Variants in DAPP1 observed in about 807,000 individuals in gnomAD.
DAPP1 encodes the protein dual adapter for phosphotyrosine and 3-phosphotyrosine and 3-phosphoinositide.
A neutral mutation model predicts 41.5 loss-of-function variants in DAPP1; 20 were observed. That is an observed-to-expected ratio of 0.48 (90% CI 0.34 to 0.70). DAPP1 has a LOEUF of 0.70. Among genes scored for constraint, DAPP1 ranks in the 30% least tolerant of loss-of-function variants. The pLI, the probability that DAPP1 is intolerant of heterozygous loss-of-function variation, is 0.01. For missense variants in DAPP1, 233 were observed against 333.4 expected (o/e 0.70, Z 2.35); for synonymous variants, 113 against 116.2 (o/e 0.97, Z 0.18).
chr4:99,861,926 T>A (rs1019295963), intron 5 of DAPP1, among the ~76,000 whole-genome samples: 1 of 152,186 alleles, frequency 6.6e-6, no homozygotes, highest in African/African-American at 2.4e-5. Flanking sequence ...CTCTAGAACA[T>A]CTTTCGTTCT....
intron 1 of DAPP1, among the ~76,000 whole-genome samples, chr4:99,828,029 T>C (rs1174134546): frequency 1.3e-5 from 2 of 152,232 alleles, no homozygotes; most frequent in African/African-American, 4.8e-5. Context: ...TTTCTAACCA[T>C]GAATCATGAA....
intron 3 of DAPP1, 124 bp downstream of exon 3, chr4:99,840,546 A>G (rs1261013036): frequency 8.6e-7 from 1 of 1,165,776 alleles, no homozygotes; most frequent in Non-Finnish European, 1.2e-6. Flanking sequence ...TGAAGAGAAA[A>G]CAATGTATTT....
At chr4:99,839,827 C>T (rs894882624) in intron 2 of DAPP1, among the ~76,000 whole-genome samples, 2 of 152,104 alleles carry the variant, frequency 1.3e-5, no homozygotes, top group Non-Finnish European at 2.9e-5. Context: ...TTTGGGAAGC[C>T]GAGGCAGGAG....
chr4:99,834,720 C>G (rs1446580402), intron 1 of DAPP1, among the ~76,000 whole-genome samples: 1 of 152,192 alleles, frequency 6.6e-6, no homozygotes, highest in Non-Finnish European at 1.5e-5. Context: ...CAAAGCAACA[C>G]TGTATTAGTT....
chr4:99,833,955 G>A (rs1723208424), intron 1 of DAPP1, among the ~76,000 whole-genome samples: 1 of 152,140 alleles, frequency 6.6e-6, no homozygotes, highest in South Asian at 2.1e-4. Context: ...TATGCCGTAT[G>A]CCTATTAGTC....
At chr4:99,865,112 C>T (rs1413138540) in intron 7 of DAPP1, 1 of 152,282 alleles carries the variant, frequency 6.6e-6, no homozygotes, top group African/African-American at 2.4e-5. Flanking sequence ...CACTAGACCT[C>T]ACATCCAGGT....
chr4:99,861,176 C>G (rs138473595), intron 4 of DAPP1, among the ~76,000 whole-genome samples: 1 of 152,138 alleles, frequency 6.6e-6, no homozygotes, highest in East Asian at 1.9e-4. Context: ...TCTGGGAAGC[C>G]CTGAAGTAAA....
chr4:99,854,792 C>T (rs1276402218), intron 4 of DAPP1, among the ~76,000 whole-genome samples: 2 of 152,208 alleles, frequency 1.3e-5, no homozygotes, highest in African/African-American at 2.4e-5. Flanking sequence ...TTTTACAATG[C>T]TCCTCTTCTG....
At chr4:99,866,507 T>C in intron 8 of DAPP1, 4 of 762,598 alleles carry the variant, frequency 5.2e-6, no homozygotes, top group Non-Finnish European at 9.6e-6. Flanking sequence ...AGAAGAAAGT[T>C]TGCCAGAGGC....
chr4:99,863,024 A>C lies in DAPP1; in HGVS notation c.552A>C (p.Arg184Ser). ...QGGLVKTWKT[R>S]WFTLHRNELK... ...GTTTTTCTCAGACCTGGAAAACAAG[A>C]TGGTTTACTCTGCACAGGAATGAAC... The change falls in exon 6 of 9, where the codon AGA (arginine) becomes AGC (serine). Residue 184 changes from arginine to serine, a missense_variant. Physicochemically the swap from Arg to Ser is moderately radical, Grantham distance 110. Transcript: ENST00000512369. 1.3e-6 allele frequency: 2 copies of C among 1,592,754 alleles called. No homozygotes were observed. Among genetic ancestry groups the C allele is most frequent in the Non-Finnish European group, 8.5e-7 (1 of 1,173,428 alleles).
chr4:99,817,148 A>T, intron 1 of DAPP1, 134 bp downstream of exon 1: 1 of 586,744 alleles, frequency 1.7e-6, no homozygotes, highest in Non-Finnish European at 2.9e-6. Flanking sequence ...ATTTTTTTCC[A>T]CTTTATTCAT....
Position 99,863,844 on chromosome 4 carries a change from A to G in DAPP1, c.675A>G (p.Val225=). The change falls in exon 7 of 9, where the codon GTA becomes GTG. Residue 225 remains valine (V), a synonymous_variant. Transcript: ENST00000512369. ...AATTCGATTATTCACAAGAAAGGGT[A>G]AACTGTTTTTGGTAAGTTGTTTTAT... ...AVQFDYSQER[V]NCFCLVFPFR... 1 of 1,591,526 alleles carries G rather than the reference A, an allele frequency of 6.3e-7. No homozygotes were observed. Among genetic ancestry groups the G allele is most frequent in the East Asian group, 2.3e-5 (1 of 44,440 alleles).
intron 3 of DAPP1, among the ~76,000 whole-genome samples, chr4:99,848,313 C>T (rs867224072): frequency 2.0e-5 from 3 of 150,994 alleles, no homozygotes; most frequent in African/African-American, 4.9e-5. Flanking sequence ...CTGCAACCTC[C>T]GCCTCCCGGG....
rs992688524 is a variant in DAPP1 at position 99,859,019 on chromosome 4, C to A, written c.490-2559C>A. Among the ~76,000 whole-genome samples the A allele has an allele frequency of 2.6e-4, 39 of 152,112 alleles. 1 individual carries two copies. The highest frequency in any genetic ancestry group is 1.0e-4 in the Non-Finnish European group (7 of 68,018). ...GTTCAGGTGACTCTCCCTCCTCAGC[C>A]TCCTGAGTAGCAGGGACTACAGGTG... On this transcript the variant is annotated intron_variant, in intron 4 of 8. Transcript: ENST00000512369.
At chr4:99,846,480 C>A (rs1399160942) in intron 3 of DAPP1, among the ~76,000 whole-genome samples, 1 of 152,042 alleles carries the variant, frequency 6.6e-6, no homozygotes, top group Non-Finnish European at 1.5e-5. Flanking sequence ...TGAAATTAGG[C>A]ACATAGGACA....
At chr4:99,867,507 C>G (rs547790771) in intron 8 of DAPP1, among the ~76,000 whole-genome samples, 2 of 152,134 alleles carry the variant, frequency 1.3e-5, no homozygotes, top group African/African-American at 4.8e-5. Context: ...AGCATGAATG[C>G]GAAGGAACTA....
At chr4:99,853,773 T>G (rs1723950752) in intron 4 of DAPP1, among the ~76,000 whole-genome samples, 1 of 152,220 alleles carries the variant, frequency 6.6e-6, no homozygotes, top group African/African-American at 2.4e-5. Context: ...GAGCTGTGAT[T>G]GTGCCACTGC....
chr4:99,839,828 G>A (rs4536938), intron 2 of DAPP1, among the ~76,000 whole-genome samples: 48,374 of 152,140 alleles, frequency 0.32, 8,153 homozygotes, highest in African/African-American at 0.4. Flanking sequence ...TTGGGAAGCC[G>A]AGGCAGGAGG....
chr4:99,862,913 T>C (rs1724290076), intron 5 of DAPP1, 97 bp from the exon 6 acceptor site: 1 of 932,876 alleles, frequency 1.1e-6, no homozygotes, highest in Non-Finnish European at 1.6e-6. Context: ...TTTTAGATAC[T>C]TTTAAAATGA....
Sources: gnomAD v4.1 joint callset for allele counts (sites outside exome capture counted in the v4.1 genomes callset) on GRCh38, gnomAD v4.1.1 for gene constraint, MANE v1.5 for transcripts, NCBI Gene and HGNC (gene_info 2026-07-23, HGNC 2026-07-21) for gene names.